Variants in LIF observed in about 807,000 individuals in gnomAD.
LIF encodes leukemia inhibitory factor.
LIF carries 9 observed loss-of-function variants against 15.0 expected under a neutral mutation model. The observed-to-expected ratio is 0.60, with a 90% CI of 0.36 to 1.04. The LOEUF (loss-of-function observed/expected upper bound fraction) is 1.04, where lower values mean the gene tolerates loss of function less well. Ranked by LOEUF, LIF falls within the 50% of genes least tolerant of loss-of-function variation. LIF has a pLI of 0.01. For missense variants in LIF, 240 were observed against 266.7 expected, an observed-to-expected ratio of 0.90 and a Z score of 0.70; for synonymous variants, 122 against 119.7, an observed-to-expected ratio of 1.02 and a Z score of -0.13.
At position 30,240,984 on chromosome 22, in the gene LIF, G is replaced by A. The variant is rs1369571807; in HGVS notation, c.*2667C>T. ...TGTTTAAATAATAAATAAGGGCCCGGAGACATCTCTCTTGGTAAACTCTCT... is the reference window on the plus strand; with the variant it reads ...TGTTTAAATAATAAATAAGGGCCCGAAGACATCTCTCTTGGTAAACTCTCT... On this transcript the variant is annotated 3_prime_UTR_variant, in exon 3 of 3. Transcript: ENST00000249075. 1.3e-5 allele frequency: 2 copies of A among 152,242 alleles called. No individual in the cohort carries two copies. Among genetic ancestry groups the A allele is most frequent in the Non-Finnish European group, 2.9e-5 (2 of 68,050 alleles). The allele number at this position is 152,242 out of a possible 1,614,324, so 9.4% of individuals were successfully genotyped here. A position where few individuals can be genotyped will look rare whatever the true frequency, so the allele number is the denominator to read the frequency against.
At position 30,240,965 on chromosome 22, in the gene LIF, A is replaced by T. The variant is rs767664083; in HGVS notation, c.*2686T>A. 2 of 152,196 alleles carry T rather than the reference A, an allele frequency of 1.3e-5. No individual in the cohort carries two copies. The highest frequency in any genetic ancestry group is 6.5e-5 in the Admixed American group (1 of 15,278). The allele number at this position is 152,196 out of a possible 1,614,324, so 9.4% of individuals were successfully genotyped here. ...GCAGTGCTTTTTAAAAAAATGTTTA[A>T]ATAATAAATAAGGGCCCGGAGACAT... On this transcript the variant is annotated 3_prime_UTR_variant, in exon 3 of 3. Coordinates refer to ENST00000249075, the MANE Select transcript of LIF (RefSeq NM_002309.5).
At chr22:30,244,118 G>T in intron 2 of LIF, 57 bp from the exon 3 acceptor site, 3 of 1,520,164 alleles carry the variant, frequency 2.0e-6, no homozygotes, top group South Asian at 2.4e-5. Flanking sequence ...CAGCCCTGCC[G>T]CCAACCCTTT....
rs1005260502 is a variant in LIF at position 30,242,953 on chromosome 22, C to T, written c.*698G>A. ...AGATCACGGGGAAGAGAACGAAGAACCTACCAAAGCTTTCCAGGCCTCTCC... is the reference window on the plus strand; with the variant it reads ...AGATCACGGGGAAGAGAACGAAGAATCTACCAAAGCTTTCCAGGCCTCTCC... On this transcript the variant is annotated 3_prime_UTR_variant, in exon 3 of 3. Transcript: ENST00000249075. 2 of 155,470 alleles carry T rather than the reference C, an allele frequency of 1.3e-5. No homozygotes were observed. The highest frequency in any genetic ancestry group is 4.8e-5 in the African/African-American group (2 of 41,456). 9.6% of individuals were successfully genotyped at this position (155,470 alleles called of 1,614,324 possible).
At chr22:30,246,434 A>G in intron 1 of LIF, 1 of 1,195,070 alleles carries the variant, frequency 8.4e-7, no homozygotes, top group Non-Finnish European at 1.0e-6. Context: ...GAAGAAGAGG[A>G]GGAGGAGGAA....
chr22:30,246,672 T>C lies in LIF; in HGVS notation c.19+5A>G. On this transcript the variant is annotated splice_donor_5th_base_variant and intron_variant, in intron 1 of 2. Transcript: ENST00000249075. ...GCGAAGCCGGCGCGGGGCGGGTGTA[T>C]TTACCTGCCGCCAAGACCTTCATTA... is the stretch of plus-strand genomic sequence containing the variant. 6.4e-7 allele frequency: 1 copy of C among 1,554,262 alleles called. No homozygotes were observed. Among genetic ancestry groups the C allele is most frequent in the South Asian group, 1.2e-5 (1 of 84,532 alleles).
Position 30,246,753 on chromosome 22 carries a change from G to T in LIF, c.-58C>A. 6.5e-7 allele frequency: 1 copy of T among 1,540,628 alleles called. No individual in the cohort carries two copies. The highest frequency in any genetic ancestry group is 8.8e-7 in the Non-Finnish European group (1 of 1,137,140). ...ACCTCAGATGCCGGCAGTTTTCAGA[G>T]GTTCATGCTCAAATGGGGAATTTGC... On this transcript the variant is annotated 5_prime_UTR_variant, in exon 1 of 3. Transcript: ENST00000249075.
Position 30,242,431 on chromosome 22 carries a change from CATT to C in LIF, c.*1217_*1219del, listed in dbSNP as rs1281562353. 1 of 152,748 alleles carries C rather than the reference CATT, an allele frequency of 6.5e-6. No homozygotes were observed. Among genetic ancestry groups the C allele is most frequent in the Admixed American group, 6.5e-5 (1 of 15,280 alleles). 9.5% of individuals were successfully genotyped at this position (152,748 alleles called of 1,614,324 possible). On this transcript the variant is annotated 3_prime_UTR_variant, in exon 3 of 3. Transcript: ENST00000249075. ...CCCGTAAGGCTTATTCCACTTGTAA[CATT>C]GTCGACTTCCAGACCAGGCCCTGCT...
In LIF at chr22:30,241,177, T is replaced by A. The variant is rs1928654568; in HGVS notation, c.*2474A>T. The A allele has an allele frequency of 6.6e-6, 1 of 152,136 alleles. No homozygotes were observed. Among genetic ancestry groups the A allele is most frequent in the South Asian group, 2.1e-4 (1 of 4,818 alleles). The allele number at this position is 152,136 out of a possible 1,614,324, so 9.4% of individuals were successfully genotyped here. On this transcript the variant is annotated 3_prime_UTR_variant, in exon 3 of 3. Coordinates refer to ENST00000249075, the MANE Select transcript of LIF (RefSeq NM_002309.5). This position sits in a 1 kb window ranked among gnomAD's most constrained non-coding sequence, Gnocchi z 4.4. ...CGGGATCTGGAGGGAGCACTGAGGA[T>A]GGGTCCCATGGGGCCAAGTCCAGGC...
At chr22:30,245,903 CA>C (rs1928868669) in intron 1 of LIF, among the ~76,000 whole-genome samples, 1 of 152,186 alleles carries the variant, frequency 6.6e-6, no homozygotes, top group Non-Finnish European at 1.5e-5. Context: ...GCCCCTCCCC[CA>C]GGGGGGCCTG....
intron 1 of LIF, 32 bp from the exon 2 acceptor site, chr22:30,244,965 A>G (rs1225567890): frequency 1.7e-5 from 27 of 1,611,484 alleles, no homozygotes; most frequent in African/African-American, 2.7e-5. Flanking sequence ...CCATGAGTAG[A>G]AAGGCAGGAA....
rs1296665120 is a variant in LIF at position 30,241,006 on chromosome 22, C to G, written c.*2645G>C. On this transcript the variant is annotated 3_prime_UTR_variant, in exon 3 of 3. Transcript: ENST00000249075. The surrounding 1 kb of genome is among the most constrained non-coding windows in gnomAD (Gnocchi z 4.4). ...CCGGAGACATCTCTCTTGGTAAACT[C>G]TCTCTTCCTCCGGCCAGGCCCAGGT... 1.3e-5 allele frequency: 2 copies of G among 152,258 alleles called. No homozygotes were observed. The highest frequency in any genetic ancestry group is 2.4e-5 in the African/African-American group (1 of 41,452). The allele number at this position is 152,258 out of a possible 1,614,324, so 9.4% of individuals were successfully genotyped here.
intron 2 of LIF, 126 bp from the exon 3 acceptor site, chr22:30,244,187 G>A (rs907503266): frequency 6.9e-6 from 6 of 868,048 alleles, no homozygotes; most frequent in Non-Finnish European, 1.0e-5. Context: ...TCCTTGCCCT[G>A]TAAGCATCTG....
intron 1 of LIF, 88 bp downstream of exon 1, chr22:30,246,589 G>C: frequency 6.7e-7 from 1 of 1,501,932 alleles, no homozygotes; most frequent in Non-Finnish European, 8.9e-7. Context: ...GCGGCGGGTG[G>C]GCGTCCGGCT....
chr22:30,243,197 C>T lies in LIF; in HGVS notation c.*454G>A, dbSNP rs531028392. The T allele has an allele frequency of 2.5e-5, 6 of 242,244 alleles. No individual in the cohort carries two copies. Among genetic ancestry groups the T allele is most frequent in the Non-Finnish European group, 4.1e-5 (5 of 121,780 alleles). The allele number at this position is 242,244 out of a possible 1,614,324, so 15.0% of individuals were successfully genotyped here. A position where few individuals can be genotyped will look rare whatever the true frequency, so the allele number is the denominator to read the frequency against. On this transcript the variant is annotated 3_prime_UTR_variant, in exon 3 of 3. Coordinates refer to ENST00000249075, the MANE Select transcript of LIF (RefSeq NM_002309.5). This position sits in a 1 kb window ranked among gnomAD's most constrained non-coding sequence, Gnocchi z 6.0. The stretch of plus-strand genomic sequence containing the variant: ...GACAAGGAGTCCTTTGGGATCCTAG[C>T]CCCTCTGGCCCACCTAAGTCCCAAC...
intron 2 of LIF, 104 bp downstream of exon 2, chr22:30,244,651 T>C: frequency 9.0e-7 from 1 of 1,108,712 alleles, no homozygotes; most frequent in South Asian, 1.3e-5. Flanking sequence ...CATTCTCTCC[T>C]TCCAGCCCCA....
chr22:30,244,690 G>T, intron 2 of LIF, 65 bp downstream of exon 2: 1 of 1,473,688 alleles, frequency 6.8e-7, no homozygotes, highest in Non-Finnish European at 9.5e-7. Flanking sequence ...GATCAGGACA[G>T]CCCCTAATGA....
rs1262954887 is a variant in LIF, at chr22:30,243,974, C to T, written c.286G>A (p.Gly96Ser). The T allele has an allele frequency of 8.1e-6, 13 of 1,613,942 alleles. No homozygotes were observed. The African/African-American group carries it at 1.1e-4, about 13-fold the overall frequency. Residue 96 changes from glycine to serine, a missense_variant, in exon 3 of 3, where the codon GGC becomes AGC. Physicochemically the swap from Gly to Ser is moderately conservative, Grantham distance 56. Coordinates refer to ENST00000249075, the MANE Select transcript of LIF (RefSeq NM_002309.5). This position sits in a 1 kb window ranked among gnomAD's most constrained non-coding sequence, Gnocchi z 6.0. ...TCCACCAGCTTGGCCTTCTCCGTGC[C>T]GTTGGCGTGGAAGGGCGGGAAGTCC... ...VTDFPPFHAN[G>S]TEKAKLVELY...
chr22:30,244,017 T>A lies in LIF; in HGVS notation c.243A>T (p.Leu81=). ...GEPFPNNLDK[L]CGPNVTDFPP... The stretch of plus-strand genomic sequence containing the variant: ...GGAAGTCCGTCACGTTGGGGCCACA[T>A]AGCTTGTCCAGGTTGTTGGGGAACG... The change falls in exon 3 of 3, where the codon CTA becomes CTT. Residue 81 remains leucine (L), a synonymous_variant. Coordinates refer to ENST00000249075, the MANE Select transcript of LIF (RefSeq NM_002309.5). 1 of 1,612,956 alleles carries A rather than the reference T, an allele frequency of 6.2e-7. No individual in the cohort carries two copies. Among genetic ancestry groups the A allele is most frequent in the South Asian group, 1.1e-5 (1 of 91,084 alleles).
At chr22:30,244,652 T>C (rs954448856) in intron 2 of LIF, 103 bp downstream of exon 2, 1 of 1,116,318 alleles carries the variant, frequency 9.0e-7, no homozygotes, top group African/African-American at 1.5e-5. Flanking sequence ...ATTCTCTCCT[T>C]CCAGCCCCAA....
Sources: allele counts gnomAD v4.1 joint callset (sites outside exome capture counted in the v4.1 genomes callset), GRCh38; gene constraint gnomAD v4.1.1; non-coding constraint Gnocchi (gnomAD v3.1); transcripts MANE v1.5; gene names NCBI Gene and HGNC (gene_info 2026-07-23, HGNC 2026-07-21).